KDM4A: variants seen among roughly 807,000 people sequenced by gnomAD.
KDM4A encodes lysine-specific demethylase 4A.
Under a neutral mutation model 127.1 loss-of-function variants are expected in KDM4A, and 23 were observed. That is an observed-to-expected ratio of 0.18 (90% CI 0.13 to 0.26). The LOEUF is 0.26. Among genes scored for constraint, KDM4A ranks in the 10% least tolerant of loss-of-function variants. KDM4A has a pLI of 1.00. For missense variants in KDM4A, 890 were observed against 1,329.1 expected (o/e 0.67, Z 5.14); for synonymous variants, 443 against 466.5 (o/e 0.95, Z 0.65).
intron 19 of KDM4A, among the ~76,000 whole-genome samples, chr1:43,698,301 A>G (rs1330976348): frequency 9.2e-5 from 14 of 152,238 alleles, no homozygotes; most frequent in Admixed American, 7.9e-4. Flanking sequence ...ATTCTAGTGC[A>G]ATAGGAGAGC....
intron 12 of KDM4A, among the ~76,000 whole-genome samples, chr1:43,684,419 C>G (rs575168333): frequency 9.2e-5 from 14 of 152,272 alleles, no homozygotes; most frequent in Admixed American, 2.6e-4. Context: ...AGGAGAATTG[C>G]TCGAACCCAG....
intron 12 of KDM4A, among the ~76,000 whole-genome samples, chr1:43,687,477 G>A (rs555862144): frequency 3.9e-5 from 6 of 152,218 alleles, no homozygotes; most frequent in South Asian, 2.1e-4. Flanking sequence ...GGGATGCCCC[G>A]TGTGATGGGG....
intron 3 of KDM4A, 87 bp downstream of exon 3, chr1:43,655,853 GAT>G: frequency 4.5e-6 from 5 of 1,112,418 alleles, no homozygotes; most frequent in Non-Finnish European, 6.3e-6. Context: ...CTGCTGTCCT[GAT>G]GAACAGTGTC....
Position 43,703,683 on chromosome 1 carries a change from G to T in KDM4A, c.2908G>T (p.Gly970Cys). Residue 970 changes from glycine (G) to cysteine (C), a missense_variant, in exon 20 of 22, where the codon GGC becomes TGC. Gly to Cys is a radical substitution (Grantham distance 159). Transcript: ENST00000372396. The stretch of plus-strand genomic sequence containing the variant: ...AGTGGTCCAAGTGAGATGGACAGAC[G>T]GCCAAGTCTATGGAGCCAAGTTTGT... ...GEVVQVRWTD[G>C]QVYGAKFVAS... 1 of 1,614,054 alleles carries T rather than the reference G, an allele frequency of 6.2e-7. No individual in the cohort carries two copies. The highest frequency in any genetic ancestry group is 8.5e-7 in the Non-Finnish European group (1 of 1,179,968).
chr1:43,696,039 CTG>C (rs1661231935), intron 18 of KDM4A, among the ~76,000 whole-genome samples: 1 of 152,184 alleles, frequency 6.6e-6, no homozygotes, highest in Admixed American at 6.5e-5. Context: ...TGGAGAGTAA[CTG>C]TGAGGGTAAA....
chr1:43,679,367 A>G (rs1660807599), intron 11 of KDM4A, among the ~76,000 whole-genome samples: 1 of 152,206 alleles, frequency 6.6e-6, no homozygotes, highest in Non-Finnish European at 1.5e-5. Context: ...AGAAGCCACC[A>G]TCAGAATTAA....
chr1:43,699,388 C>A (rs868192216), intron 19 of KDM4A, among the ~76,000 whole-genome samples: 1 of 152,178 alleles, frequency 6.6e-6, no homozygotes, highest in South Asian at 2.1e-4. Context: ...TTTGAGCCAC[C>A]ATACCTGGCC....
intron 11 of KDM4A, among the ~76,000 whole-genome samples, chr1:43,673,840 A>C (rs955687247): frequency 2.0e-5 from 3 of 152,224 alleles, no homozygotes; most frequent in African/African-American, 7.2e-5. Context: ...ACTACAGTTC[A>C]TGCTGTCCTC....
chr1:43,681,944 G>A (rs1219269728), intron 11 of KDM4A, among the ~76,000 whole-genome samples: 2 of 152,116 alleles, frequency 1.3e-5, no homozygotes, highest in African/African-American at 4.8e-5. Flanking sequence ...TTTCCAGTTT[G>A]TTTTAGCCAA....
Position 43,698,129 on chromosome 1 carries a change from C to T in KDM4A, c.2841+116C>T, listed in dbSNP as rs887136331. On this transcript the variant is annotated intron_variant, in intron 19 of 21. Transcript: ENST00000372396. ...TCTAGCCAGGTCCCTGGTCCCATCA[C>T]CATGTCCTCAAACAGAAAGAATCAT... The T allele has an allele frequency of 1.3e-5, 12 of 928,536 alleles. No individual in the cohort carries two copies. The Admixed American group carries it at 2.0e-4, about 16-fold the overall frequency. 57.5% of individuals were successfully genotyped at this position (928,536 alleles called of 1,614,324 possible).
rs371480321 is a variant in KDM4A, at chr1:43,663,102, C to T, written c.623+15C>T. ...CCAAAGTCCTGGTACAGTCTGCCTG[C>T]AGTCGGCACCGGGCTTCTATGCTAG... On this transcript the variant is annotated intron_variant, in intron 5 of 21. Transcript: ENST00000372396. 167 of 1,603,736 alleles carry T rather than the reference C, an allele frequency of 1.0e-4. No individual in the cohort carries two copies. Among genetic ancestry groups the T allele is most frequent in the Non-Finnish European group, 1.3e-4 (158 of 1,173,990 alleles).
In KDM4A at chr1:43,694,739, A is replaced by G; in HGVS notation, c.2515A>G (p.Arg839Gly). 6.2e-7 allele frequency: 1 copy of G among 1,612,574 alleles called. No individual in the cohort carries two copies. Among genetic ancestry groups the G allele is most frequent in the South Asian group, 1.1e-5 (1 of 91,060 alleles). The change falls in exon 18 of 22, where the codon AGA becomes GGA. Residue 839 changes from arginine to glycine, a missense_variant. By Grantham distance (125) the Arg-to-Gly change is moderately radical. Transcript: ENST00000372396. This position sits in a 1 kb window ranked among gnomAD's most constrained non-coding sequence, Gnocchi z 5.2. ...TATCTTCTGTAAGAAGCGGAGGAAA[A>G]GAACTGCTGGCTGCTGTGTGCAGTG... ...KCIFCKKRRKRTAGCCVQCSH... is the reference protein window; with the variant it reads ...KCIFCKKRRKGTAGCCVQCSH...
intron 4 of KDM4A, among the ~76,000 whole-genome samples, chr1:43,662,606 CAAAAACAAACGA>C (rs763204486): frequency 6.6e-6 from 1 of 152,146 alleles, no homozygotes; most frequent in Non-Finnish European, 1.5e-5. Flanking sequence ...GACTCCGTCT[CAAAAACAAACGA>C]AAAAACAAAC....
At position 43,691,521 on chromosome 1, in the gene KDM4A, G is replaced by T. The variant is rs747618804; in HGVS notation, c.2268G>T (p.Lys756Asn). 2.1e-5 allele frequency: 34 copies of T among 1,613,862 alleles called. No individual in the cohort carries two copies. The highest frequency in any genetic ancestry group is 3.3e-5 in the Admixed American group (2 of 59,996). ...GTTGCTATGGGGTCCCCCCTGCAAA[G>T]GCTTCTGAAGACTGGATGTGTTCTC... The part of the protein sequence containing the change: ...HASCYGVPPA[K>N]ASEDWMCSRC... The change falls in exon 15 of 22, where the codon AAG becomes AAT. Residue 756 changes from lysine (K) to asparagine (N), a missense_variant. Physicochemically the swap from Lys to Asn is moderately conservative, Grantham distance 94. Transcript: ENST00000372396.
At chr1:43,657,215 T>A (rs913484663) in intron 3 of KDM4A, among the ~76,000 whole-genome samples, 1 of 151,994 alleles carries the variant, frequency 6.6e-6, no homozygotes, top group Non-Finnish European at 1.5e-5. Context: ...TATTTATTTT[T>A]TTTTTTGAGA....
intron 11 of KDM4A, among the ~76,000 whole-genome samples, chr1:43,678,795 T>TA (rs982973417): frequency 6.6e-6 from 1 of 152,042 alleles, no homozygotes; most frequent in Non-Finnish European, 1.5e-5. Flanking sequence ...TTATGTTGCC[T>TA]AGGCTGGTCT....
Position 43,694,537 on chromosome 1 carries a change from T to A in KDM4A, c.2485-172T>A, listed in dbSNP as rs1661197791. Among the ~76,000 whole-genome samples the A allele has an allele frequency of 6.6e-6, 1 of 150,712 alleles. No homozygotes were observed. The highest frequency in any genetic ancestry group is 2.1e-4 in the South Asian group (1 of 4,788). On this transcript the variant is annotated intron_variant, in intron 17 of 21. Coordinates refer to ENST00000372396, the MANE Select transcript of KDM4A (RefSeq NM_014663.3). The surrounding 1 kb of genome is among the most constrained non-coding windows in gnomAD (Gnocchi z 5.2). The stretch of plus-strand genomic sequence containing the variant: ...TCTCAAAAAAAAAAAAAAAAAAATT[T>A]CCTTGGCAGATAAAGTTGTAACCAG...
At chr1:43,683,435 C>T (rs1660901670) in intron 11 of KDM4A, among the ~76,000 whole-genome samples, 1 of 151,940 alleles carries the variant, frequency 6.6e-6, no homozygotes, top group African/African-American at 2.4e-5. Flanking sequence ...ACACTGGTTT[C>T]AGGCTGCTCC....
intron 13 of KDM4A, 22 bp from the exon 14 acceptor site, chr1:43,690,823 T>C: frequency 1.9e-6 from 3 of 1,610,248 alleles, no homozygotes; most frequent in Non-Finnish European, 2.6e-6. Flanking sequence ...CACTGAGGTG[T>C]ACACTTGTTC....
Sources: allele counts gnomAD v4.1 joint callset (sites outside exome capture counted in the v4.1 genomes callset), GRCh38; gene constraint gnomAD v4.1.1; non-coding constraint Gnocchi (gnomAD v3.1); transcripts MANE v1.5; gene names NCBI Gene and HGNC (gene_info 2026-07-23, HGNC 2026-07-21).